The following INPP5A variants were observed in gnomAD, a reference collection of about 807,000 sequenced individuals.
INPP5A encodes the protein 43 kDa inositol polyphosphate 5-phophatase.
In INPP5A, 14 loss-of-function variants were observed where a neutral mutation model predicts 65.2. The ratio of observed to expected loss-of-function variants is 0.21; its 90% CI spans 0.14 to 0.34. The LOEUF (loss-of-function observed/expected upper bound fraction) is 0.34, where lower values mean the gene tolerates loss of function less well. INPP5A is among the 10% of genes least tolerant of loss of function. The pLI is 1.00. For synonymous variants in INPP5A, 207 were observed against 208.3 expected, an observed-to-expected ratio of 0.99 and a Z score of 0.05; for missense variants, 431 against 545.6, an observed-to-expected ratio of 0.79 and a Z score of 2.09.
intron 4 of INPP5A, among the ~76,000 whole-genome samples, chr10:132,654,460 C>T (rs1334294213): frequency 2.0e-5 from 3 of 152,198 alleles, no homozygotes; most frequent in Non-Finnish European, 4.4e-5. Flanking sequence ...GGAACGCTGC[C>T]CCCTGGGCCA....
At chr10:132,749,456 T>A in intron 9 of INPP5A, 61 bp from the exon 10 acceptor site, 1 of 1,459,604 alleles carries the variant, frequency 6.9e-7, no homozygotes, top group Non-Finnish European at 9.5e-7. Context: ...GGGTGTCGGG[T>A]GACGCTGCCA....
chr10:132,597,787 G>A (rs1358403578), intron 1 of INPP5A, among the ~76,000 whole-genome samples: 1 of 150,910 alleles, frequency 6.6e-6, no homozygotes, highest in Non-Finnish European at 1.5e-5. Context: ...TGTGGTGCGT[G>A]TTCCGGGGCT....
intron 1 of INPP5A, among the ~76,000 whole-genome samples, chr10:132,599,859 T>C (rs1447044630): frequency 6.6e-6 from 1 of 152,256 alleles, no homozygotes; most frequent in Non-Finnish European, 1.5e-5. Flanking sequence ...GCTTCCACCC[T>C]CTGAAGCCAC....
intron 2 of INPP5A, among the ~76,000 whole-genome samples, chr10:132,623,688 C>T (rs1419974390): frequency 1.3e-5 from 2 of 152,092 alleles, no homozygotes; most frequent in Admixed American, 6.5e-5. Context: ...TTTGTTAAGA[C>T]ACTGTGAAAA....
At chr10:132,626,386 G>T (rs2072184425) in intron 2 of INPP5A, among the ~76,000 whole-genome samples, 1 of 152,214 alleles carries the variant, frequency 6.6e-6, no homozygotes, top group Admixed American at 6.5e-5. Flanking sequence ...CTGTAGGGTG[G>T]GTGTGTGTTG....
At chr10:132,688,136 C>T (rs1468064314) in intron 4 of INPP5A, among the ~76,000 whole-genome samples, 1 of 152,220 alleles carries the variant, frequency 6.6e-6, no homozygotes, top group Non-Finnish European at 1.5e-5. Flanking sequence ...CCAGAGACGG[C>T]CTAACAGGCC....
chr10:132,634,393 A>T (rs139288554), intron 2 of INPP5A, among the ~76,000 whole-genome samples: 1 of 128,762 alleles, frequency 7.8e-6, no homozygotes, highest in African/African-American at 3.1e-5. Flanking sequence ...CCAGAGAGGC[A>T]TGTCATCTCC....
In INPP5A at chr10:132,765,880, C is replaced by T. The variant is rs766926584; in HGVS notation, c.977+34C>T. 6 of 1,372,186 alleles carry T rather than the reference C, an allele frequency of 4.4e-6. No homozygotes were observed. In the African/African-American group the frequency reaches 7.1e-5, roughly 16 times the overall value. 85.0% of individuals were successfully genotyped at this position (1,372,186 alleles called of 1,614,324 possible). ...CATGCTGTTTGCTGGATGAACCCGG[C>T]CGGGAAGGTGGCGTCTCCACCCTCC... On this transcript the variant is annotated intron_variant, in intron 12 of 15. Transcript: ENST00000368594.
rs372652365 is a variant in INPP5A, at chr10:132,688,851, C to T, written c.307-1541C>T. Among the ~76,000 whole-genome samples, 8 of 150,796 alleles carry T rather than the reference C, an allele frequency of 5.3e-5. No individual in the cohort carries two copies. The South Asian group carries it at 1.1e-3, about 20-fold the overall frequency. On this transcript the variant is annotated intron_variant, in intron 4 of 15. Transcript: ENST00000368594. Reference sequence around the variant, plus strand: ...GTGCAAGTGTAAGTGTGCGTGAGTGCGTGTGTGCATGAGTTAGTGCATGAG... The same window carrying T: ...GTGCAAGTGTAAGTGTGCGTGAGTGTGTGTGTGCATGAGTTAGTGCATGAG...
chr10:132,719,540 G>A (rs1845820577), intron 8 of INPP5A, among the ~76,000 whole-genome samples: 2 of 150,116 alleles, frequency 1.3e-5, no homozygotes, highest in South Asian at 4.2e-4. Context: ...TGCGGGTTCT[G>A]TGGTGCCTGG....
intron 12 of INPP5A, among the ~76,000 whole-genome samples, chr10:132,766,364 C>T (rs1650669229): frequency 6.6e-6 from 1 of 152,172 alleles, no homozygotes; most frequent in Admixed American, 6.5e-5. Context: ...CACGAGGGAC[C>T]TACGGGGACT....
chr10:132,777,527 C>T, intron 12 of INPP5A, 144 bp from the exon 13 acceptor site: 1 of 685,596 alleles, frequency 1.5e-6, no homozygotes, highest in Non-Finnish European at 2.4e-6. Flanking sequence ...GTTTTATATT[C>T]TAGAAACTTC....
chr10:132,574,786 GTTCAA>G (rs903846212), intron 1 of INPP5A, among the ~76,000 whole-genome samples: 1 of 151,742 alleles, frequency 6.6e-6, no homozygotes, highest in Non-Finnish European at 1.5e-5. Flanking sequence ...TGCCTCCTGG[GTTCAA>G]GCCATTTTCC....
chr10:132,777,837 G>A (rs1471779857), intron 13 of INPP5A, 55 bp downstream of exon 13: 1 of 1,589,368 alleles, frequency 6.3e-7, no homozygotes, highest in Non-Finnish European at 8.6e-7. Flanking sequence ...CGCTGGGTCT[G>A]GTCTGGCCCA....
chr10:132,685,455 G>A (rs896543448), intron 4 of INPP5A, among the ~76,000 whole-genome samples: 7 of 152,270 alleles, frequency 4.6e-5, no homozygotes, highest in African/African-American at 1.7e-4. Flanking sequence ...GTCCCTTAGC[G>A]CGGGGTCTGT....
At chr10:132,544,442 T>G (rs1379952128) in intron 1 of INPP5A, among the ~76,000 whole-genome samples, 1 of 151,674 alleles carries the variant, frequency 6.6e-6, no homozygotes, top group Non-Finnish European at 1.5e-5. Flanking sequence ...TCAGCAGTCT[T>G]TTTTTTTGGG....
At chr10:132,598,927 A>G (rs568005193) in intron 1 of INPP5A, among the ~76,000 whole-genome samples, 4 of 152,332 alleles carry the variant, frequency 2.6e-5, no homozygotes, top group East Asian at 1.9e-4. Flanking sequence ...AGACTTATTC[A>G]GTATCATGGG....
intron 8 of INPP5A, among the ~76,000 whole-genome samples, chr10:132,710,671 C>T (rs7081570): frequency 6.2e-5 from 8 of 130,046 alleles, no homozygotes; most frequent in Non-Finnish European, 1.3e-4. Flanking sequence ...GTGGACAGGT[C>T]GGTGTGGATG....
chr10:132,773,088 C>T (rs1159107178), intron 12 of INPP5A, among the ~76,000 whole-genome samples: 2 of 152,270 alleles, frequency 1.3e-5, no homozygotes, highest in Admixed American at 6.5e-5. Flanking sequence ...CGGTGGAGGC[C>T]TCTGGGCTGT....
Sources: gnomAD v4.1 joint callset for allele counts (sites outside exome capture counted in the v4.1 genomes callset) on GRCh38, gnomAD v4.1.1 for gene constraint, MANE v1.5 for transcripts, NCBI Gene and HGNC (gene_info 2026-07-23, HGNC 2026-07-21) for gene names.